UBE2U: variants seen among roughly 807,000 people sequenced by gnomAD.
UBE2U encodes the protein ubiquitin-conjugating enzyme E2 U.
Under a neutral mutation model 41.2 loss-of-function variants are expected in UBE2U, and 39 were observed. The observed-to-expected ratio is 0.95, with a 90% CI of 0.73 to 1.24. The LOEUF is 1.24. UBE2U is among the 50% of genes most tolerant of loss of function. UBE2U has a pLI of 0.00. For missense variants in UBE2U, 336 were observed against 363.1 expected (o/e 0.93, Z 0.61); for synonymous variants, 107 against 117.8 (o/e 0.91, Z 0.60).
At chr1:64,214,641 G>A (rs7533812) in intron 4 of UBE2U, among the ~76,000 whole-genome samples, 174 bp from the exon 5 acceptor site, 1 of 151,894 alleles carries the variant, frequency 6.6e-6, no homozygotes, top group South Asian at 2.1e-4. Context: ...TGAGCCTAAG[G>A]TTAGGTTTCT....
At chr1:64,251,074 T>A (rs1645003317) in intron 8 of UBE2U, among the ~76,000 whole-genome samples, 1 of 151,406 alleles carries the variant, frequency 6.6e-6, no homozygotes, top group African/African-American at 2.4e-5. Context: ...AAAAAATAAA[T>A]AAATCAATAA....
At chr1:64,240,419 G>C (rs1460000731) in intron 7 of UBE2U, among the ~76,000 whole-genome samples, 3 of 152,198 alleles carry the variant, frequency 2.0e-5, no homozygotes, top group African/African-American at 7.2e-5. Flanking sequence ...TATTGCTCCA[G>C]AGGTTAGAAC....
chr1:64,216,243 A>G (rs184308165), intron 5 of UBE2U, among the ~76,000 whole-genome samples: 20 of 152,308 alleles, frequency 1.3e-4, no homozygotes, highest in Admixed American at 1.2e-3. Flanking sequence ...TTTGATCACA[A>G]GCTTAAGGTG....
intron 4 of UBE2U, among the ~76,000 whole-genome samples, chr1:64,214,488 TA>T (rs1191998442): frequency 1.3e-5 from 2 of 152,184 alleles, no homozygotes; most frequent in Non-Finnish European, 2.9e-5. Flanking sequence ...TTTTGAATTT[TA>T]AATACACTAA....
intron 7 of UBE2U, among the ~76,000 whole-genome samples, chr1:64,239,158 A>AG (rs1313257578): frequency 3.9e-3 from 48 of 12,442 alleles, no homozygotes; most frequent in Non-Finnish European, 8.6e-3. Flanking sequence ...AAGAAGAAGA[A>AG]AGAAGAAGAA....
At chr1:64,209,946 T>A (rs1455330832) in intron 3 of UBE2U, among the ~76,000 whole-genome samples, 1 of 152,230 alleles carries the variant, frequency 6.6e-6, no homozygotes, top group Non-Finnish European at 1.5e-5. Context: ...TTGTGACTCG[T>A]ATGATACAAT....
chr1:64,231,119 T>C (rs1644556154), intron 6 of UBE2U, among the ~76,000 whole-genome samples: 4 of 152,020 alleles, frequency 2.6e-5, no homozygotes, highest in African/African-American at 9.7e-5. Context: ...TTTAGGGTAA[T>C]ATTTTTAATT....
At chr1:64,220,594 C>A (rs555562037) in intron 5 of UBE2U, among the ~76,000 whole-genome samples, 1 of 152,202 alleles carries the variant, frequency 6.6e-6, no homozygotes, top group Admixed American at 6.5e-5. Context: ...TTCTGAAGTG[C>A]GAATCCATTT....
intron 7 of UBE2U, among the ~76,000 whole-genome samples, chr1:64,234,746 G>T (rs1438516470): frequency 1.3e-5 from 2 of 152,154 alleles, no homozygotes; most frequent in Non-Finnish European, 2.9e-5. Flanking sequence ...GTACCTGAAT[G>T]GTTAATTCAG....
Position 64,232,594 on chromosome 1 carries a change from C to T in UBE2U, c.540C>T (p.Tyr180=), listed in dbSNP as rs746158332. 3 of 1,613,290 alleles carry T rather than the reference C, an allele frequency of 1.9e-6. No individual in the cohort carries two copies. The African/African-American group carries it at 4.0e-5, about 22-fold the overall frequency. ...PIKTTSFSDY[Y]QTWSRIATSK... Reference sequence around the variant, plus strand: ...AAACAACCTCATTTAGTGATTACTACCAGACATGGTCCAGAATAGCTACAT... The same window carrying T: ...AAACAACCTCATTTAGTGATTACTATCAGACATGGTCCAGAATAGCTACAT... The change falls in exon 7 of 10, where the codon TAC becomes TAT. Residue 180 remains tyrosine, a synonymous_variant. Coordinates refer to ENST00000371077, the MANE Select transcript of UBE2U (RefSeq NM_001366232.2).
At chr1:64,233,256 C>A (rs1454602954) in intron 7 of UBE2U, among the ~76,000 whole-genome samples, 1 of 152,102 alleles carries the variant, frequency 6.6e-6, no homozygotes, top group Non-Finnish European at 1.5e-5. Flanking sequence ...ATCCGCCTGC[C>A]TCAGCCTCCC....
intron 8 of UBE2U, among the ~76,000 whole-genome samples, chr1:64,256,482 G>T (rs969636076): frequency 2.0e-5 from 3 of 152,086 alleles, no homozygotes; most frequent in African/African-American, 4.8e-5. Flanking sequence ...ACAACTGTCT[G>T]ATCTTCAACA....
intron 7 of UBE2U, among the ~76,000 whole-genome samples, chr1:64,237,152 C>G (rs1644681597): frequency 6.6e-6 from 1 of 152,008 alleles, no homozygotes; most frequent in South Asian, 2.1e-4. Context: ...ATATTCTATC[C>G]TCCTTTATGT....
In UBE2U at chr1:64,205,754, A is replaced by T. The variant is rs532187377; in HGVS notation, c.148+34A>T. On this transcript the variant is annotated intron_variant, in intron 2 of 9. Transcript: ENST00000371077. ...TTTCAAAACCAATCTATTTTTTAAA[A>T]AAGTCTTTATACCATTATTAGCCCA... 2.5e-6 allele frequency: 4 copies of T among 1,570,956 alleles called. No individual in the cohort carries two copies. The Admixed American group carries it at 6.8e-5, about 27-fold the overall frequency.
rs761496315 is a variant in UBE2U at position 64,214,939 on chromosome 1, A to C, written c.457+7A>C. The C allele has an allele frequency of 4.3e-6, 7 of 1,609,698 alleles. No individual in the cohort carries two copies. The highest frequency in any genetic ancestry group is 6.0e-6 in the Non-Finnish European group (7 of 1,176,170). ...TTCAACAGGCCATTACAAAGTAAGA[A>C]GTATCTACTTTTGTTAGGTGCAGTG... On this transcript the variant is annotated splice_region_variant and intron_variant, in intron 5 of 9. Coordinates refer to ENST00000371077, the MANE Select transcript of UBE2U (RefSeq NM_001366232.2).
intron 8 of UBE2U, among the ~76,000 whole-genome samples, chr1:64,252,933 A>C (rs1231383767): frequency 6.6e-6 from 1 of 152,194 alleles, no homozygotes; most frequent in African/African-American, 2.4e-5. Flanking sequence ...TGACAGAAGT[A>C]GGCTTCAGAA....
intron 8 of UBE2U, among the ~76,000 whole-genome samples, chr1:64,260,042 C>T (rs1281362441): frequency 6.6e-6 from 1 of 151,282 alleles, no homozygotes; most frequent in Non-Finnish European, 1.5e-5. Context: ...CTACAGAGAC[C>T]CACACGGAAA....
intron 7 of UBE2U, among the ~76,000 whole-genome samples, chr1:64,233,924 A>T (rs908711607): frequency 6.6e-5 from 10 of 152,192 alleles, no homozygotes; most frequent in Admixed American, 2.0e-4. Context: ...CACTCCCATT[A>T]GCTGTGCTCT....
intron 8 of UBE2U, among the ~76,000 whole-genome samples, chr1:64,258,161 T>C (rs1252696902): frequency 2.6e-5 from 4 of 152,196 alleles, no homozygotes; most frequent in Admixed American, 1.3e-4. Flanking sequence ...TATTCATTTT[T>C]GTCTCTTCCA....
Sources: gnomAD v4.1 joint callset for allele counts (sites outside exome capture counted in the v4.1 genomes callset) on GRCh38, gnomAD v4.1.1 for gene constraint, MANE v1.5 for transcripts, NCBI Gene and HGNC (gene_info 2026-07-23, HGNC 2026-07-21) for gene names.